The following LOC128092253 variants were observed in gnomAD, a reference collection of about 807,000 sequenced individuals.
chr6:133,968,011 C>CTTTT, the LOC128092253 span, among the ~76,000 whole-genome samples: 94 of 136,086 alleles, frequency 6.9e-4, no homozygotes, highest in African/African-American at 2.4e-3. Flanking sequence ...TGACTATTTT[C>CTTTT]TTTTTTTTTT....
At chr6:133,972,470 A>C in the LOC128092253 span, among the ~76,000 whole-genome samples, 1 of 152,212 alleles carries the variant, frequency 6.6e-6, no homozygotes, top group African/African-American at 2.4e-5. Flanking sequence ...GGGCTTGTCC[A>C]GTAATCAGCA....
chr6:133,960,123 A>G, the LOC128092253 span, among the ~76,000 whole-genome samples: 1 of 152,184 alleles, frequency 6.6e-6, no homozygotes, highest in African/African-American at 2.4e-5. Flanking sequence ...TGTAATGAGC[A>G]TACCTTAATT....
At chr6:133,979,717 GC>G in the LOC128092253 span, among the ~76,000 whole-genome samples, 1 of 152,200 alleles carries the variant, frequency 6.6e-6, no homozygotes, top group East Asian at 1.9e-4. Context: ...TACGATCTCG[GC>G]TCACTGCAAC....
the LOC128092253 span, among the ~76,000 whole-genome samples, chr6:133,964,893 A>G: frequency 6.6e-6 from 1 of 152,192 alleles, no homozygotes; most frequent in African/African-American, 2.4e-5. Flanking sequence ...AAACAGTCGA[A>G]ACTATGAAAA....
At chr6:133,958,653 A>G in the LOC128092253 span, among the ~76,000 whole-genome samples, 1 of 152,250 alleles carries the variant, frequency 6.6e-6, no homozygotes, top group Non-Finnish European at 1.5e-5. Context: ...CTGACTAAAA[A>G]TAAATGTTTC....
chr6:133,957,916 C>T, the LOC128092253 span, among the ~76,000 whole-genome samples: 1 of 152,224 alleles, frequency 6.6e-6, no homozygotes, highest in African/African-American at 2.4e-5. Flanking sequence ...TGTTGGACCA[C>T]TTGGATGCTT....
At chr6:133,980,057 G>T in the LOC128092253 span, 2 of 1,371,130 alleles carry the variant, frequency 1.5e-6, no homozygotes, top group South Asian at 2.0e-5. Context: ...TAAGTTTAAT[G>T]ACTTTATTTT....
At chr6:133,954,479 T>G in the LOC128092253 span, among the ~76,000 whole-genome samples, 1 of 152,242 alleles carries the variant, frequency 6.6e-6, no homozygotes, top group African/African-American at 2.4e-5. Flanking sequence ...GTTGAAAGGA[T>G]TATTCACAGT....
At chr6:133,964,594 T>C in the LOC128092253 span, among the ~76,000 whole-genome samples, 1 of 151,182 alleles carries the variant, frequency 6.6e-6, no homozygotes, top group Non-Finnish European at 1.5e-5. Flanking sequence ...GGACTACAGG[T>C]GCCTGCCACC....
the LOC128092253 span, among the ~76,000 whole-genome samples, chr6:133,975,810 G>A: frequency 3.3e-4 from 51 of 152,286 alleles, no homozygotes; most frequent in African/African-American, 1.1e-3. Flanking sequence ...GATGTGATTT[G>A]GAAGAACAGC....
the LOC128092253 span, among the ~76,000 whole-genome samples, chr6:133,961,803 TC>T: frequency 6.6e-6 from 1 of 152,208 alleles, no homozygotes; most frequent in African/African-American, 2.4e-5. Flanking sequence ...TGAAAGACCT[TC>T]CCTGGATCAT....
chr6:133,961,503 C>G, the LOC128092253 span, among the ~76,000 whole-genome samples: 11 of 128,312 alleles, frequency 8.6e-5, no homozygotes, highest in South Asian at 2.7e-3. Context: ...GAGTCGTGCT[C>G]TGTCACCCAT....
the LOC128092253 span, among the ~76,000 whole-genome samples, chr6:133,958,243 A>G: frequency 6.6e-6 from 1 of 152,194 alleles, no homozygotes; most frequent in Non-Finnish European, 1.5e-5. Flanking sequence ...ATAAACCCCA[A>G]TGGTTTCATT....
the LOC128092253 span, among the ~76,000 whole-genome samples, chr6:133,954,461 A>G: frequency 6.6e-6 from 1 of 152,222 alleles, no homozygotes; most frequent in Non-Finnish European, 1.5e-5. Context: ...GACTGTTAGC[A>G]CTATCTGGTT....
the LOC128092253 span, among the ~76,000 whole-genome samples, chr6:133,967,218 T>G: frequency 5.3e-5 from 8 of 152,224 alleles, no homozygotes; most frequent in Non-Finnish European, 1.2e-4. Flanking sequence ...ATGCTTAGAT[T>G]TCCAGTTCAT....
chr6:133,975,332 A>T, the LOC128092253 span, among the ~76,000 whole-genome samples: 21,796 of 152,138 alleles, frequency 0.14, 2,016 homozygotes, highest in African/African-American at 0.27. Flanking sequence ...AAATTTAATT[A>T]AGCAAAATAG....
At chr6:133,968,229 C>G in the LOC128092253 span, among the ~76,000 whole-genome samples, 1 of 151,908 alleles carries the variant, frequency 6.6e-6, no homozygotes, top group African/African-American at 2.4e-5. Context: ...CCTCGTGATC[C>G]ACCTGGCCAG....
chr6:133,957,156 C>CAT, the LOC128092253 span, among the ~76,000 whole-genome samples: 1 of 151,920 alleles, frequency 6.6e-6, no homozygotes, highest in Non-Finnish European at 1.5e-5. Context: ...CTATGGATCC[C>CAT]ATTAAATGTT....
the LOC128092253 span, among the ~76,000 whole-genome samples, chr6:133,955,031 A>G: frequency 6.6e-6 from 1 of 152,148 alleles, no homozygotes; most frequent in Non-Finnish European, 1.5e-5. Flanking sequence ...CTTAAGTTGC[A>G]TTTTAAGACA....
Sources: allele counts gnomAD v4.1 joint callset (sites outside exome capture counted in the v4.1 genomes callset), GRCh38; gene constraint gnomAD v4.1.1; transcripts MANE v1.5.